The following SLC16A1 variants were observed in gnomAD, a reference collection of about 807,000 sequenced individuals.
SLC16A1 encodes the protein monocarboxylate transporter 1.
SLC16A1 carries 11 observed loss-of-function variants against 32.2 expected under a neutral mutation model. The ratio of observed to expected loss-of-function variants is 0.34; its 90% confidence interval spans 0.21 to 0.56. SLC16A1 has a LOEUF of 0.56. SLC16A1 is among the 20% of genes least tolerant of loss of function. SLC16A1 has a pLI of 0.87. For missense variants in SLC16A1, 435 were observed against 615.0 expected (o/e 0.71, Z 3.10); for synonymous variants, 231 against 226.8 (o/e 1.02, Z -0.17).
intron 4 of SLC16A1, among the ~76,000 whole-genome samples, chr1:112,916,694 C>T (rs781391031): frequency 1.3e-5 from 2 of 152,052 alleles, no homozygotes; most frequent in Non-Finnish European, 2.9e-5. Flanking sequence ...CTTTGGGAGG[C>T]TGAGACAAGT....
In SLC16A1 at chr1:112,913,958, T is replaced by G; in HGVS notation, c.1436A>C (p.Lys479Thr). 2 of 1,614,200 alleles carry G rather than the reference T, an allele frequency of 1.2e-6. No homozygotes were observed. The highest frequency in any genetic ancestry group is 1.7e-6 in the Non-Finnish European group (2 of 1,180,024). Reference sequence around the variant, plus strand: ...TTTCTGGTCCGGAGATTCTGCTGCTTTGGTAACTTCATTTGGCTTCCCAGC... The same window carrying G: ...TTTCTGGTCCGGAGATTCTGCTGCTGTGGTAACTTCATTTGGCTTCCCAGC... ...DVAGKPNEVT[K>T]AAESPDQKDT... Residue 479 changes from lysine (K) to threonine (T), a missense_variant, in exon 5 of 5, where the codon AAA becomes ACA. Lys to Thr is a moderately conservative substitution (Grantham distance 78). Transcript: ENST00000369626.
chr1:112,941,217 T>C (rs903592783), intron 1 of SLC16A1, among the ~76,000 whole-genome samples: 2 of 151,418 alleles, frequency 1.3e-5, no homozygotes, highest in East Asian at 1.9e-4. Flanking sequence ...TAAATAATGA[T>C]GTAGTATAAA....
At chr1:112,921,872 A>G in intron 3 of SLC16A1, 118 bp downstream of exon 3, 3 of 1,238,084 alleles carry the variant, frequency 2.4e-6, no homozygotes, top group Non-Finnish European at 3.5e-6. Context: ...TCAAAATGAT[A>G]ATCAAGTCAT....
At position 112,917,775 on chromosome 1, in the gene SLC16A1, T is replaced by TCTCAAGGAA; in HGVS notation, c.630_631insTTCCTTGAG (p.Ser210_Lys211insPheLeuGlu). On this transcript the variant is annotated inframe_insertion, in exon 4 of 5. Transcript: ENST00000369626. The surrounding 1 kb of genome is among the most constrained non-coding windows in gnomAD (Gnocchi z 4.1). ...TTTCCAGCTTTCTCAAGGGATGCTT[T>TCTCAAGGAA]AGACTTATCTTTCCCTGCCTTGGTT... 6.2e-7 allele frequency: 1 copy of TCTCAAGGAA among 1,614,230 alleles called. No individual in the cohort carries two copies. Among genetic ancestry groups the TCTCAAGGAA allele is most frequent in the Non-Finnish European group, 8.5e-7 (1 of 1,180,046 alleles).
Position 112,917,184 on chromosome 1 carries a change from G to C in SLC16A1, c.1222C>G (p.Leu408Val). Residue 408 changes from leucine (L) to valine (V), a missense_variant, in exon 4 of 5, where the codon CTT (leucine) becomes GTT (valine). By Grantham distance (32) the Leu-to-Val change is conservative (BLOSUM62 1). Around this residue, in one of 2 missense-constraint regions of SLC16A1, gnomAD observed 111 missense variants for 114.7 expected, o/e 0.97. Coordinates refer to ENST00000369626, the MANE Select transcript of SLC16A1 (RefSeq NM_003051.4). The surrounding 1 kb of genome is among the most constrained non-coding windows in gnomAD (Gnocchi z 4.1). ...GTAGGGAGATATACTATACCTAAAA[G>C]TGGTGGCCCCAGGAGGACAGGACAG... ...ECCPVLLGPP[L>V]LGRLNDMYGD... 6.2e-7 allele frequency: 1 copy of C among 1,614,162 alleles called. No homozygotes were observed. Among genetic ancestry groups the C allele is most frequent in the South Asian group, 1.1e-5 (1 of 91,082 alleles).
chr1:112,949,268 C>T (rs1323493959), intron 1 of SLC16A1, among the ~76,000 whole-genome samples: 2 of 152,164 alleles, frequency 1.3e-5, no homozygotes, highest in African/African-American at 4.8e-5. Flanking sequence ...AAGCTGGTCT[C>T]GAACTCTCAA....
intron 1 of SLC16A1, among the ~76,000 whole-genome samples, chr1:112,933,381 G>A (rs1453200842): frequency 1.3e-5 from 2 of 151,644 alleles, no homozygotes; most frequent in South Asian, 2.1e-4. Context: ...GCTTGAACCC[G>A]GGAGGCGGAG....
intron 1 of SLC16A1, chr1:112,936,077 C>G (rs1264033082): frequency 6.6e-6 from 1 of 152,200 alleles, no homozygotes; most frequent in African/African-American, 2.4e-5. Context: ...CAGGAAATAG[C>G]TGGCCAGTCC....
rs761816040 is a variant in SLC16A1, at chr1:112,913,149, T to G, written c.*742A>C. On this transcript the variant is annotated 3_prime_UTR_variant, in exon 5 of 5. Transcript: ENST00000369626. Reference sequence around the variant, plus strand: ...ATCTATAAACACTCAAAATGCATCTTTGAACAGGGGAGCAGAAATAGCTAA... The same window carrying G: ...ATCTATAAACACTCAAAATGCATCTGTGAACAGGGGAGCAGAAATAGCTAA... The G allele has an allele frequency of 6.6e-6, 1 of 152,212 alleles. No homozygotes were observed. Among genetic ancestry groups the G allele is most frequent in the East Asian group, 1.9e-4 (1 of 5,202 alleles). 9.4% of individuals were successfully genotyped at this position (152,212 alleles called of 1,614,324 possible).
chr1:112,934,701 G>A (rs1649241389), intron 1 of SLC16A1, among the ~76,000 whole-genome samples: 6 of 152,170 alleles, frequency 3.9e-5, no homozygotes. Flanking sequence ...ACAAAGATGA[G>A]GATAAAGAAA....
intron 1 of SLC16A1, among the ~76,000 whole-genome samples, chr1:112,941,243 C>G (rs971891220): frequency 1.3e-5 from 2 of 149,730 alleles, no homozygotes; most frequent in Non-Finnish European, 3.0e-5. Context: ...AGTTCTTTGG[C>G]TTATCAAGTT....
At chr1:112,948,935 T>A (rs1383855848) in intron 1 of SLC16A1, among the ~76,000 whole-genome samples, 2 of 151,998 alleles carry the variant, frequency 1.3e-5, no homozygotes, top group Non-Finnish European at 2.9e-5. Flanking sequence ...GGTTCACGCC[T>A]TTCTCCCGCC....
chr1:112,942,996 T>C (rs1649562208), intron 1 of SLC16A1, among the ~76,000 whole-genome samples: 1 of 152,180 alleles, frequency 6.6e-6, no homozygotes, highest in Non-Finnish European at 1.5e-5. Context: ...CTTTTGTCAA[T>C]CTCAGCCAAC....
intron 1 of SLC16A1, among the ~76,000 whole-genome samples, chr1:112,946,826 AAAGAACTTATC>A (rs1372387783): frequency 6.6e-6 from 1 of 152,062 alleles, no homozygotes; most frequent in Non-Finnish European, 1.5e-5. Flanking sequence ...GCGCTGGGAG[AAAGAACTTATC>A]AATCTTGTTT....
At chr1:112,945,065 C>T (rs1271670470) in intron 1 of SLC16A1, among the ~76,000 whole-genome samples, 1 of 147,322 alleles carries the variant, frequency 6.8e-6, no homozygotes, top group African/African-American at 2.5e-5. Flanking sequence ...GTGGCGTGAT[C>T]TCGGCTCATT....
chr1:112,935,072 A>G (rs1172877201), intron 1 of SLC16A1, among the ~76,000 whole-genome samples: 1 of 151,734 alleles, frequency 6.6e-6, no homozygotes, highest in Admixed American at 6.5e-5. Flanking sequence ...CTTTCTCTAA[A>G]AAAGATCCAT....
intron 1 of SLC16A1, among the ~76,000 whole-genome samples, chr1:112,939,197 T>C (rs779248256): frequency 6.6e-6 from 1 of 152,078 alleles, no homozygotes; most frequent in Non-Finnish European, 1.5e-5. Context: ...GGCCAACGTA[T>C]TTCTTTTTAA....
chr1:112,925,872 C>T (rs1419587173), intron 2 of SLC16A1, among the ~76,000 whole-genome samples: 2 of 152,056 alleles, frequency 1.3e-5, no homozygotes, highest in Non-Finnish European at 2.9e-5. Flanking sequence ...ATGAAAAATA[C>T]TTCAGTTACT....
At chr1:112,930,109 C>A (rs553225194) in intron 1 of SLC16A1, among the ~76,000 whole-genome samples, 1 of 152,162 alleles carries the variant, frequency 6.6e-6, no homozygotes, top group Non-Finnish European at 1.5e-5. Flanking sequence ...TTAATCAAAC[C>A]CAAGGAGAGG....
Sources: allele counts gnomAD v4.1 joint callset (sites outside exome capture counted in the v4.1 genomes callset), GRCh38; gene constraint gnomAD v4.1.1; regional missense constraint gnomAD v4.1.1; non-coding constraint Gnocchi (gnomAD v3.1); transcripts MANE v1.5; gene names NCBI Gene and HGNC (gene_info 2026-07-23, HGNC 2026-07-21).